Variants in CHD6 observed in about 807,000 individuals in gnomAD.
CHD6 encodes ATP-dependent chromatin remodeler CHD6.
A neutral mutation model predicts 276.9 loss-of-function variants in CHD6; 50 were observed. The observed-to-expected ratio is 0.18, with a 90% confidence interval of 0.14 to 0.23. The LOEUF (loss-of-function observed/expected upper bound fraction) is 0.23. Among genes scored for constraint, CHD6 ranks in the 10% least tolerant of loss-of-function variants. CHD6 has a pLI of 1.00. For synonymous variants in CHD6, 1,173 were observed against 1,229.3 expected (o/e 0.95, Z 0.96); for missense variants, 2,564 against 3,365.8 (o/e 0.76, Z 5.89).
intron 16 of CHD6, among the ~76,000 whole-genome samples, chr20:41,481,195 C>T (rs1374275212): frequency 1.3e-5 from 2 of 151,622 alleles, no homozygotes; most frequent in Non-Finnish European, 2.9e-5. Context: ...TTTTAAAGCA[C>T]ATTAATTTAA....
At chr20:41,544,576 T>A (rs1375843879) in intron 2 of CHD6, among the ~76,000 whole-genome samples, 2 of 151,918 alleles carry the variant, frequency 1.3e-5, no homozygotes, top group African/African-American at 4.8e-5. Flanking sequence ...TTTGATAACA[T>A]TAGTAACATG....
At chr20:41,603,225 G>GC (rs1286142166) in intron 1 of CHD6, among the ~76,000 whole-genome samples, 1 of 151,890 alleles carries the variant, frequency 6.6e-6, no homozygotes, top group Non-Finnish European at 1.5e-5. Context: ...AGTGGCAGGT[G>GC]CCAGCAGTCC....
In CHD6 at chr20:41,421,705, T is replaced by A. The variant is rs775566264; in HGVS notation, c.4930A>T (p.Thr1644Ser). The change falls in exon 31 of 37, where the codon ACA (threonine) becomes TCA (serine). Residue 1644 changes from threonine to serine, a missense_variant. Physicochemically the swap from Thr to Ser is moderately conservative, Grantham distance 58. This residue lies in a region of CHD6 where 1,024 missense variants were observed against 1,047.9 expected (regional missense o/e 0.98). Coordinates refer to ENST00000373233, the MANE Select transcript of CHD6 (RefSeq NM_032221.5). ...QTNSKLYESLTYSQMSRTSES... is the reference protein window; with the variant it reads ...QTNSKLYESLSYSQMSRTSES... ...GAAGTCCTACTCATTTGAGAATATGTAAGAGATTCATATAACTTGGAGTTG... is the reference window on the plus strand; with the variant it reads ...GAAGTCCTACTCATTTGAGAATATGAAAGAGATTCATATAACTTGGAGTTG... 1 of 1,614,196 alleles carries A rather than the reference T, an allele frequency of 6.2e-7. No homozygotes were observed. The highest frequency in any genetic ancestry group is 1.1e-5 in the South Asian group (1 of 91,074).
intron 2 of CHD6, among the ~76,000 whole-genome samples, chr20:41,541,909 T>C (rs1205424825): frequency 6.6e-6 from 1 of 152,192 alleles, no homozygotes; most frequent in Non-Finnish European, 1.5e-5. Flanking sequence ...TCAAGAGTCT[T>C]AGAAATTTGA....
At chr20:41,588,616 T>C (rs2045621818) in intron 1 of CHD6, among the ~76,000 whole-genome samples, 1 of 152,136 alleles carries the variant, frequency 6.6e-6, no homozygotes. Context: ...GAGTGAGGAA[T>C]TGAGACCAAT....
At chr20:41,528,388 T>C (rs1396263857) in intron 3 of CHD6, among the ~76,000 whole-genome samples, 1 of 152,146 alleles carries the variant, frequency 6.6e-6, no homozygotes, top group Non-Finnish European at 1.5e-5. Flanking sequence ...GTATGTCTTC[T>C]TAGGCAAGTG....
intron 5 of CHD6, among the ~76,000 whole-genome samples, chr20:41,501,827 T>C (rs1033274050): frequency 7.9e-5 from 12 of 152,192 alleles, no homozygotes; most frequent in African/African-American, 2.9e-4. Context: ...AATGTCAGTC[T>C]TTAGCATGTT....
rs1046767644 is a variant in CHD6 at position 41,577,049 on chromosome 20, A to C, written c.-23-25689T>G. ...CTAAAGTAAAAACAGAATGAGGGAC[A>C]GAAAAGGAAGGAAAGAGAATTATTT... On this transcript the variant is annotated intron_variant, in intron 1 of 36. Transcript: ENST00000373233. Among the ~76,000 whole-genome samples, 40 of 152,392 alleles carry C rather than the reference A, an allele frequency of 2.6e-4. 1 individual carries two copies. The highest frequency in any genetic ancestry group is 3.4e-3 in the Middle Eastern group (1 of 294).
intron 1 of CHD6, among the ~76,000 whole-genome samples, chr20:41,566,800 GAAC>G (rs1223393480): frequency 3.3e-5 from 5 of 152,172 alleles, no homozygotes. Flanking sequence ...GAGTGTACGT[GAAC>G]AATAAACTGC....
chr20:41,604,495 G>A (rs2045806887), intron 1 of CHD6, among the ~76,000 whole-genome samples: 1 of 152,210 alleles, frequency 6.6e-6, no homozygotes, highest in Non-Finnish European at 1.5e-5. Flanking sequence ...TCTTCAGGTT[G>A]CAGATGTCTT....
intron 30 of CHD6, 119 bp downstream of exon 30, chr20:41,423,373 T>C: frequency 1.1e-6 from 1 of 884,768 alleles, no homozygotes; most frequent in South Asian, 1.6e-5. Flanking sequence ...CACTCATCTT[T>C]ACCTAAATTC....
intron 2 of CHD6, among the ~76,000 whole-genome samples, chr20:41,538,426 C>G (rs974126901): frequency 6.6e-6 from 1 of 152,134 alleles, no homozygotes; most frequent in Non-Finnish European, 1.5e-5. Context: ...ACCTTGAAAA[C>G]AGGCTAAATG....
intron 1 of CHD6, among the ~76,000 whole-genome samples, chr20:41,558,514 T>C (rs2045264814): frequency 6.6e-6 from 1 of 152,158 alleles, no homozygotes; most frequent in Non-Finnish European, 1.5e-5. Flanking sequence ...ACAAACAATA[T>C]AAAAGCTCCC....
At chr20:41,571,756 C>G (rs1420186132) in intron 1 of CHD6, among the ~76,000 whole-genome samples, 1 of 151,614 alleles carries the variant, frequency 6.6e-6, no homozygotes, top group Admixed American at 6.6e-5. Context: ...TAGACTGGAT[C>G]TTGTTTTAAA....
chr20:41,428,355 A>C (rs76098410), intron 27 of CHD6, among the ~76,000 whole-genome samples: 2,224 of 152,334 alleles, frequency 0.015, 84 homozygotes, highest in East Asian at 0.12. Context: ...TAGCAGTGAC[A>C]GTCCTGAGCA....
At chr20:41,468,389 C>T (rs1264910730) in intron 17 of CHD6, among the ~76,000 whole-genome samples, 2 of 152,282 alleles carry the variant, frequency 1.3e-5, no homozygotes, top group African/African-American at 4.8e-5. Flanking sequence ...GGATTACAGG[C>T]ATGAGCCACC....
intron 36 of CHD6, among the ~76,000 whole-genome samples, chr20:41,408,833 A>C (rs1600785566): frequency 6.6e-6 from 1 of 152,228 alleles, no homozygotes. Flanking sequence ...CTTTTCAAGC[A>C]ATCTGCTATA....
chr20:41,537,936 A>G (rs1280096396), intron 2 of CHD6, among the ~76,000 whole-genome samples: 1 of 152,246 alleles, frequency 6.6e-6, no homozygotes, highest in Non-Finnish European at 1.5e-5. Context: ...CTTACACACA[A>G]ATGTTCACAG....
At chr20:41,577,473 G>C (rs1284197807) in intron 1 of CHD6, among the ~76,000 whole-genome samples, 1 of 152,076 alleles carries the variant, frequency 6.6e-6, no homozygotes, top group Non-Finnish European at 1.5e-5. Flanking sequence ...TTCTCCTATA[G>C]AATCTGGGGG....
Sources: gnomAD v4.1 joint callset for allele counts (sites outside exome capture counted in the v4.1 genomes callset) on GRCh38, gnomAD v4.1.1 for gene constraint, gnomAD v4.1.1 regional missense constraint, MANE v1.5 for transcripts, NCBI Gene and HGNC (gene_info 2026-07-23, HGNC 2026-07-21) for gene names.